Variants in NEGR1 observed in about 807,000 individuals in gnomAD.
The protein encoded by NEGR1 is neuronal growth regulator 1, also known as IgLON family member 4.
Under a neutral mutation model 40.9 loss-of-function variants are expected in NEGR1, and 10 were observed. The observed-to-expected ratio is 0.24, with a 90% CI of 0.15 to 0.42. The LOEUF is 0.42. Among genes scored for constraint, NEGR1 ranks in the 10% least tolerant of loss-of-function variants. NEGR1 has a pLI of 1.00. For synonymous variants in NEGR1, 185 were observed against 166.8 expected, an observed-to-expected ratio of 1.11 and a Z score of -0.84; for missense variants, 352 against 438.9, an observed-to-expected ratio of 0.80 and a Z score of 1.77.
intron 2 of NEGR1, among the ~76,000 whole-genome samples, chr1:71,921,815 G>A (rs1570505329): frequency 6.7e-6 from 1 of 150,290 alleles, no homozygotes; most frequent in Non-Finnish European, 1.5e-5. Flanking sequence ...TATGTTATTG[G>A]TAAGGCTTCC....
At chr1:71,632,914 G>C (rs201238840) in intron 4 of NEGR1, among the ~76,000 whole-genome samples, 1 of 151,976 alleles carries the variant, frequency 6.6e-6, no homozygotes, top group Non-Finnish European at 1.5e-5. Context: ...AAATAACAAA[G>C]TGATAGGTAA....
chr1:71,747,033 A>G (rs1157888400), intron 3 of NEGR1, among the ~76,000 whole-genome samples: 3 of 152,350 alleles, frequency 2.0e-5, no homozygotes, highest in Admixed American at 2.0e-4. Context: ...ATTCAGTTGC[A>G]TTACTGGCTT....
intron 1 of NEGR1, among the ~76,000 whole-genome samples, chr1:72,088,563 C>T (rs1648317279): frequency 6.6e-6 from 1 of 151,984 alleles, no homozygotes; most frequent in Non-Finnish European, 1.5e-5. Context: ...CCCAGATCTG[C>T]CTTAAATAGG....
intron 6 of NEGR1, chr1:71,422,580 A>G (rs1216257944): frequency 6.6e-6 from 1 of 152,234 alleles, no homozygotes; most frequent in Non-Finnish European, 1.5e-5. Context: ...AAAGTCACTT[A>G]CAGGACGTGA....
chr1:72,277,537 T>C (rs544847662), intron 1 of NEGR1, among the ~76,000 whole-genome samples: 3 of 152,262 alleles, frequency 2.0e-5, no homozygotes, highest in African/African-American at 7.2e-5. Context: ...CTTTTATTAA[T>C]AGTTGTGTAC....
intron 3 of NEGR1, among the ~76,000 whole-genome samples, chr1:71,732,596 T>A (rs1405117052): frequency 6.6e-6 from 1 of 152,020 alleles, no homozygotes; most frequent in Non-Finnish European, 1.5e-5. Flanking sequence ...TTCCTGCTAG[T>A]TAGCTTCAAA....
At chr1:72,233,722 C>G (rs1654456915) in intron 1 of NEGR1, among the ~76,000 whole-genome samples, 1 of 152,030 alleles carries the variant, frequency 6.6e-6, no homozygotes, top group Non-Finnish European at 1.5e-5. Flanking sequence ...GATTTTGTGT[C>G]TTTGCTATTG....
In NEGR1 at chr1:72,162,414, C is replaced by T. The variant is rs540125420; in HGVS notation, c.176+119905G>A. ...GAGGCAGAGGTTGCAGTAAGCCAGC[C>T]GAGATCGTGCCACTGCACTCCAGCC... is the stretch of plus-strand genomic sequence containing the variant. On this transcript the variant is annotated intron_variant, in intron 1 of 6. Coordinates refer to ENST00000357731, the MANE Select transcript of NEGR1 (RefSeq NM_173808.3). Among the ~76,000 whole-genome samples, 4 of 152,108 alleles carry T rather than the reference C, an allele frequency of 2.6e-5. No homozygotes were observed. The East Asian group carries it at 5.8e-4, about 22-fold the overall frequency.
chr1:72,146,570 T>C (rs1327288125), intron 1 of NEGR1, among the ~76,000 whole-genome samples: 1 of 152,088 alleles, frequency 6.6e-6, no homozygotes, highest in African/African-American at 2.4e-5. Flanking sequence ...TGCACAAGTT[T>C]TTTTTTAATA....
At chr1:72,248,099 G>A (rs568881900) in intron 1 of NEGR1, among the ~76,000 whole-genome samples, 14 of 152,162 alleles carry the variant, frequency 9.2e-5, no homozygotes, top group South Asian at 2.1e-4. Context: ...TGAGGGATCC[G>A]CCTGCATGAC....
intron 1 of NEGR1, among the ~76,000 whole-genome samples, chr1:72,244,151 G>A (rs1654831604): frequency 6.6e-6 from 1 of 151,626 alleles, no homozygotes; most frequent in South Asian, 2.1e-4. Flanking sequence ...CAGTATACAT[G>A]TGATTTCATA....
chr1:71,429,530 A>T (rs1447485575), intron 6 of NEGR1, among the ~76,000 whole-genome samples: 1 of 152,186 alleles, frequency 6.6e-6, no homozygotes, highest in Non-Finnish European at 1.5e-5. Flanking sequence ...AGAGTCATCC[A>T]TCAGAGGCTT....
chr1:71,558,805 C>A (rs1340775586), intron 6 of NEGR1, among the ~76,000 whole-genome samples: 6 of 149,050 alleles, frequency 4.0e-5, no homozygotes, highest in Non-Finnish European at 8.9e-5. Context: ...CCCTGCCCAG[C>A]CCTAGAATTA....
At chr1:71,482,037 T>C (rs1033993870) in intron 6 of NEGR1, among the ~76,000 whole-genome samples, 1 of 151,818 alleles carries the variant, frequency 6.6e-6, no homozygotes, top group Non-Finnish European at 1.5e-5. Flanking sequence ...TTGGGAGTAA[T>C]GTACCATCTC....
intron 1 of NEGR1, among the ~76,000 whole-genome samples, chr1:71,995,154 TAGTTA>T (rs1646493542): frequency 6.6e-6 from 1 of 152,146 alleles, no homozygotes; most frequent in Admixed American, 6.5e-5. Context: ...TCCGTGGTAA[TAGTTA>T]AATCACACTC....
intron 2 of NEGR1, among the ~76,000 whole-genome samples, chr1:71,874,763 T>A (rs1660377073): frequency 6.6e-6 from 1 of 152,200 alleles, no homozygotes; most frequent in Non-Finnish European, 1.5e-5. Flanking sequence ...TTTCACTTAG[T>A]ATCATGATAT....
At chr1:72,068,719 C>A (rs990447099) in intron 1 of NEGR1, among the ~76,000 whole-genome samples, 1 of 151,932 alleles carries the variant, frequency 6.6e-6, no homozygotes, top group African/African-American at 2.4e-5. Flanking sequence ...TAATAGAGTA[C>A]CAGCTATGTA....
chr1:71,977,800 CAA>C (rs1299982712), intron 1 of NEGR1, among the ~76,000 whole-genome samples: 1 of 128,418 alleles, frequency 7.8e-6, no homozygotes, highest in Non-Finnish European at 1.7e-5. Flanking sequence ...GGAACCCCAA[CAA>C]AGAGACTAAA....
At chr1:71,942,976 A>AT (rs1557446716) in intron 1 of NEGR1, among the ~76,000 whole-genome samples, 247 of 133,674 alleles carry the variant, frequency 1.8e-3, no homozygotes, top group Middle Eastern at 4.6e-3. Flanking sequence ...ATATATATAT[A>AT]AGTATATATG....
Sources: allele counts gnomAD v4.1 joint callset (sites outside exome capture counted in the v4.1 genomes callset), GRCh38; gene constraint gnomAD v4.1.1; transcripts MANE v1.5; gene names NCBI Gene and HGNC (gene_info 2026-07-23, HGNC 2026-07-21).